CFD: variants seen among roughly 807,000 people sequenced by gnomAD.
CFD encodes the protein complement factor D.
A neutral mutation model predicts 21.1 loss-of-function variants in CFD; 24 were observed. The observed-to-expected ratio is 1.14, with a 90% CI of 0.82 to 1.60. The LOEUF (loss-of-function observed/expected upper bound fraction) is 1.60. Among genes scored for constraint, CFD ranks in the 40% most tolerant of loss-of-function variants. The pLI is 0.00. For missense variants in CFD, 535 were observed against 383.3 expected (o/e 1.40, Z -3.31); for synonymous variants, 242 against 175.9 (o/e 1.38, Z -2.97).
In CFD at chr19:861,826, G is replaced by A. The variant is rs553772531; in HGVS notation, c.485G>A (p.Arg162His). ...GGCATAGTCAACCACGCGGGCCGCC[G>A]CCCGGACAGCCTGCAGCACGTGCTC... is the stretch of plus-strand genomic sequence containing the variant. ...GWGIVNHAGR[R>H]PDSLQHVLLP... The change falls in exon 4 of 5, where the codon CGC becomes CAC. Residue 162 changes from arginine to histidine, a missense_variant. Arg to His is a conservative substitution (Grantham distance 29). Transcript: ENST00000327726. 1.9e-6 allele frequency: 3 copies of A among 1,601,458 alleles called. No homozygotes were observed. The highest frequency in any genetic ancestry group is 2.5e-6 in the Non-Finnish European group (3 of 1,178,852).
Position 863,366 on chromosome 19 carries a change from G to C in CFD, c.*128G>C. ...TGCAGAAGGGGAGGCCGAGGTGGGA[G>C]GATCATTGGATCTCAGGAGTTCGAG... On this transcript the variant is annotated 3_prime_UTR_variant, in exon 5 of 5. Transcript: ENST00000327726. 2 of 1,092,388 alleles carry C rather than the reference G, an allele frequency of 1.8e-6. No homozygotes were observed. The highest frequency in any genetic ancestry group is 2.7e-5 in the South Asian group (2 of 74,172). The allele number at this position is 1,092,388 out of a possible 1,614,324, so 67.7% of individuals were successfully genotyped here. A position where few individuals can be genotyped will look rare whatever the true frequency, so the allele number is the denominator to read the frequency against.
chr19:863,263 TCA>T lies in CFD; in HGVS notation c.*27_*28del. On this transcript the variant is annotated 3_prime_UTR_variant, in exon 5 of 5. Coordinates refer to ENST00000327726, the MANE Select transcript of CFD (RefSeq NM_001928.4). ...GGGTGCCGGGGCCTGAAGGTCAGGG[TCA>T]CCCAAGCAACAAAGTCCCGAGCAAT... is the stretch of plus-strand genomic sequence containing the variant. 1 of 1,546,408 alleles carries T rather than the reference TCA, an allele frequency of 6.5e-7. No individual in the cohort carries two copies. Among genetic ancestry groups the T allele is most frequent in the Non-Finnish European group, 8.7e-7 (1 of 1,152,506 alleles).
intron 4 of CFD, among the ~76,000 whole-genome samples, chr19:862,740 T>C (rs2035821488): frequency 6.7e-6 from 1 of 148,720 alleles, no homozygotes; most frequent in Non-Finnish European, 1.5e-5. Flanking sequence ...CTGAGACGCG[T>C]TAGGGCAGAA....
At position 859,728 on chromosome 19, in the gene CFD, A is replaced by G; in HGVS notation, c.39A>G (p.Leu13=). The part of the protein sequence containing the change: ...SWERLAVLVL[L]GAAACAAPPR... Reference sequence around the variant, plus strand: ...AGCGCCTGGCAGTTCTGGTCCTCCTAGGAGCGGCCGCCTGCGGTGAGGAGG... The same window carrying G: ...AGCGCCTGGCAGTTCTGGTCCTCCTGGGAGCGGCCGCCTGCGGTGAGGAGG... Residue 13 remains leucine (L), a synonymous_variant, in exon 1 of 5, where the codon CTA becomes CTG. Transcript: ENST00000327726. 4 of 1,573,380 alleles carry G rather than the reference A, an allele frequency of 2.5e-6. No individual in the cohort carries two copies. Among genetic ancestry groups the G allele is most frequent in the Non-Finnish European group, 3.4e-6 (4 of 1,159,738 alleles).
intron 4 of CFD, among the ~76,000 whole-genome samples, chr19:862,409 G>A (rs1189392791): frequency 3.6e-5 from 5 of 139,900 alleles, no homozygotes; most frequent in Non-Finnish European, 6.2e-5. Flanking sequence ...GTACCTGTGG[G>A]GAGGGTGGGG....
intron 1 of CFD, among the ~76,000 whole-genome samples, chr19:859,981 T>C (rs1398678123): frequency 6.6e-6 from 1 of 152,164 alleles, no homozygotes; most frequent in Non-Finnish European, 1.5e-5. Flanking sequence ...AAACTTCATC[T>C]GCGTGGCTGA....
rs1268625019 is a variant in CFD at position 863,226 on chromosome 19, C to T, written c.750C>T (p.Ser250=). 6.5e-7 allele frequency: 1 copy of T among 1,546,116 alleles called. No individual in the cohort carries two copies. Among genetic ancestry groups the T allele is most frequent in the Non-Finnish European group, 8.7e-7 (1 of 1,152,240 alleles). ...RVASYAAWID[S]VLA The stretch of plus-strand genomic sequence containing the variant: ...CGAGCTATGCGGCCTGGATCGACAG[C>T]GTCCTGGCCTAGGGTGCCGGGGCCT... Residue 250 remains serine, a synonymous_variant, in exon 5 of 5, where the codon AGC becomes AGT. Transcript: ENST00000327726.
rs376159080 is a variant in CFD, at chr19:861,022, G to T, written c.357+17G>T. 6.3e-7 allele frequency: 1 copy of T among 1,595,640 alleles called. No individual in the cohort carries two copies. Among genetic ancestry groups the T allele is most frequent in the Non-Finnish European group, 8.5e-7 (1 of 1,178,478 alleles). On this transcript the variant is annotated intron_variant, in intron 3 of 4. Coordinates refer to ENST00000327726, the MANE Select transcript of CFD (RefSeq NM_001928.4). ...CTGCTACAGGTCGGCCCCGTGTAGC[G>T]CAGTCCCTCCTGCGGCGCTGGGATC... is the stretch of plus-strand genomic sequence containing the variant.
chr19:862,968 C>G (rs2145166680), intron 4 of CFD, 124 bp from the exon 5 acceptor site: 1 of 1,032,762 alleles, frequency 9.7e-7, no homozygotes, highest in Non-Finnish European at 1.4e-6. Context: ...TAGTGAAGAC[C>G]AAATTAACAC....
In CFD at chr19:863,302, C is replaced by T. The variant is rs1321290603; in HGVS notation, c.*64C>T. The T allele has an allele frequency of 3.3e-6, 5 of 1,526,116 alleles. No individual in the cohort carries two copies. The highest frequency in any genetic ancestry group is 2.7e-5 in the African/African-American group (2 of 73,100). 94.5% of individuals were successfully genotyped at this position (1,526,116 alleles called of 1,614,324 possible). A position where few individuals can be genotyped will look rare whatever the true frequency, so the allele number is the denominator to read the frequency against. ...AAGTCCCGAGCAATGAAGTCATCCA[C>T]TCCTGCATCTGGTTGGTCTTTATTG... On this transcript the variant is annotated 3_prime_UTR_variant, in exon 5 of 5. Coordinates refer to ENST00000327726, the MANE Select transcript of CFD (RefSeq NM_001928.4).
At chr19:859,891 A>G in intron 1 of CFD, 147 bp downstream of exon 1, 1 of 620,110 alleles carries the variant, frequency 1.6e-6, no homozygotes, top group Non-Finnish European at 2.9e-6. Flanking sequence ...ACGCTGAAAA[A>G]TTCTAGAAAA....
At chr19:863,033 A>G (rs936698579) in intron 4 of CFD, 59 bp from the exon 5 acceptor site, 1 of 1,463,364 alleles carries the variant, frequency 6.8e-7, no homozygotes, top group Non-Finnish European at 9.1e-7. Flanking sequence ...GAGGGGGTCT[A>G]ACACGTGAGG....
Position 861,871 on chromosome 19 carries a change from C to T in CFD, c.530C>T (p.Ala177Val). The change falls in exon 4 of 5, where the codon GCC becomes GTC. Residue 177 changes from alanine to valine, a missense_variant. Coordinates refer to ENST00000327726, the MANE Select transcript of CFD (RefSeq NM_001928.4). ...QHVLLPVLDR[A>V]TCNRRTHHDG... is the part of the protein sequence containing the mutation. ...GTGCTCTTGCCAGTGCTGGACCGCGCCACCTGCAACCGGCGCACGCACCAC... is the reference window on the plus strand; with the variant it reads ...GTGCTCTTGCCAGTGCTGGACCGCGTCACCTGCAACCGGCGCACGCACCAC... 6.3e-7 allele frequency: 1 copy of T among 1,593,384 alleles called. No homozygotes were observed. Among genetic ancestry groups the T allele is most frequent in the Non-Finnish European group, 8.5e-7 (1 of 1,176,044 alleles).
At chr19:861,191 C>A (rs866026143) in intron 3 of CFD, among the ~76,000 whole-genome samples, 186 bp downstream of exon 3, 8 of 120,824 alleles carry the variant, frequency 6.6e-5, no homozygotes, top group Middle Eastern at 8.5e-3. Flanking sequence ...CTCGGAGCCC[C>A]CCCACCCTCT....
rs1279223875 is a variant in CFD at position 861,893 on chromosome 19, C to T, written c.552C>T (p.His184=). The change falls in exon 4 of 5, where the codon CAC becomes CAT. Residue 184 remains histidine, a synonymous_variant. Transcript: ENST00000327726. ...GCGCCACCTGCAACCGGCGCACGCA[C>T]CACGACGGCGCCATCACCGAGCGCT... ...LDRATCNRRT[H]HDGAITERLM... 1.3e-6 allele frequency: 2 copies of T among 1,583,764 alleles called. No individual in the cohort carries two copies. Among genetic ancestry groups the T allele is most frequent in the Non-Finnish European group, 1.7e-6 (2 of 1,172,002 alleles).
intron 1 of CFD, among the ~76,000 whole-genome samples, 187 bp from the exon 2 acceptor site, chr19:860,430 A>ACCCCCCCCCCCCC (rs57197777): frequency 2.1e-5 from 3 of 140,372 alleles, no homozygotes; most frequent in East Asian, 2.1e-4. Flanking sequence ...CATGATCTGC[A>ACCCCCCCCCCCCC]CCCCCCCCTC....
At chr19:860,816 G>C (rs1471621219) in intron 2 of CFD, 43 bp downstream of exon 2, 2 of 1,555,916 alleles carry the variant, frequency 1.3e-6, no homozygotes, top group Non-Finnish European at 1.7e-6. Context: ...GGGTGCGGTG[G>C]GGGGAGTCGG....
chr19:862,967 C>T, intron 4 of CFD, 125 bp from the exon 5 acceptor site: 9 of 1,022,230 alleles, frequency 8.8e-6, no homozygotes, highest in Non-Finnish European at 1.3e-5. Context: ...CTAGTGAAGA[C>T]CAAATTAACA....
At chr19:861,566 C>T (rs1348372090) in intron 3 of CFD, 133 bp from the exon 4 acceptor site, 3 of 898,792 alleles carry the variant, frequency 3.3e-6, no homozygotes, top group Non-Finnish European at 4.9e-6. Flanking sequence ...TAGCCTAAAT[C>T]TCTCCTGCTG....
Sources: allele counts gnomAD v4.1 joint callset (sites outside exome capture counted in the v4.1 genomes callset), GRCh38; gene constraint gnomAD v4.1.1; transcripts MANE v1.5; gene names NCBI Gene and HGNC (gene_info 2026-07-23, HGNC 2026-07-21).